Variants in ABCA4 observed in about 807,000 individuals in gnomAD.
ABCA4 encodes the protein retinal-specific phospholipid-transporting ATPase ABCA4.
ABCA4 carries 196 observed loss-of-function variants against 263.7 expected under a neutral mutation model. That is an observed-to-expected ratio of 0.74 (90% CI 0.66 to 0.84). The LOEUF (loss-of-function observed/expected upper bound fraction) is 0.84, where lower values mean the gene tolerates loss of function less well. ABCA4 is among the 40% of genes least tolerant of loss of function. The pLI is 0.00. For missense variants in ABCA4, 2,792 were observed against 2,855.1 expected (o/e 0.98, Z 0.50); for synonymous variants, 1,133 against 1,094.2 (o/e 1.04, Z -0.70).
Position 94,044,758 on chromosome 1 carries a change from G to C in ABCA4, c.2919-14C>G. 2 of 1,614,214 alleles carry C rather than the reference G, an allele frequency of 1.2e-6. No homozygotes were observed. The highest frequency in any genetic ancestry group is 1.6e-4 in the Middle Eastern group (1 of 6,062). ...GTCAGGATGGACCTGCAGAACACAG[G>C]CGTCAGTGGCAGAAGAGATGGCCTT... On this transcript the variant is annotated splice_polypyrimidine_tract_variant and intron_variant, in intron 19 of 49. Transcript: ENST00000370225.
rs141864243 is a variant in ABCA4 at position 94,063,217 on chromosome 1, A to G, written c.1655T>C (p.Val552Ala). 1.2e-5 allele frequency: 19 copies of G among 1,614,104 alleles called. No individual in the cohort carries two copies. Among genetic ancestry groups the G allele is most frequent in the Non-Finnish European group, 1.6e-5 (19 of 1,179,972 alleles). The change falls in exon 12 of 50, where the codon GTA becomes GCA. Residue 552 changes from valine to alanine, a missense_variant. Val to Ala is a moderately conservative substitution (Grantham distance 64). Transcript: ENST00000370225. The part of the protein sequence containing the change: ...LEENMFWAGV[V>A]FPDMYPWTSS... ...GGTCCAGGGATACATGTCAGGGAATACCACTCCGGCCCAGAACATGTTTTC... is the reference window on the plus strand; with the variant it reads ...GGTCCAGGGATACATGTCAGGGAATGCCACTCCGGCCCAGAACATGTTTTC...
At chr1:94,085,560 C>T (rs985926512) in intron 6 of ABCA4, among the ~76,000 whole-genome samples, 2 of 152,160 alleles carry the variant, frequency 1.3e-5, no homozygotes, top group Non-Finnish European at 2.9e-5. Context: ...TTGCCTCTAG[C>T]CCCCTCCCTT....
chr1:94,029,100 C>G (rs1357062508), intron 30 of ABCA4, among the ~76,000 whole-genome samples: 2 of 110,764 alleles, frequency 1.8e-5, no homozygotes, highest in Non-Finnish European at 3.9e-5. Flanking sequence ...GTGTTTATAT[C>G]CAAGCGATGA....
chr1:94,021,116 T>C, intron 35 of ABCA4, 124 bp downstream of exon 35: 1 of 1,351,956 alleles, frequency 7.4e-7, no homozygotes, highest in Non-Finnish European at 1.1e-6. Context: ...GATGTTCATA[T>C]GTGCCTGACT....
Position 94,094,947 on chromosome 1 carries a change from G to C in ABCA4, c.768+3847C>G, listed in dbSNP as rs187989093. On this transcript the variant is annotated intron_variant, in intron 6 of 49. Coordinates refer to ENST00000370225, the MANE Select transcript of ABCA4 (RefSeq NM_000350.3). ...AGCTTCTGGGTTTCAAGCTGGGGGC[G>C]TTAAGCCTGCAAAGGCCGCAGGTGA... 2.0e-5 allele frequency among the ~76,000 whole-genome samples: 3 copies of C among 152,330 alleles called. No individual in the cohort carries two copies. The East Asian group carries it at 5.8e-4, about 29-fold the overall frequency.
chr1:94,013,530 C>T (rs1659631989), intron 38 of ABCA4, among the ~76,000 whole-genome samples: 1 of 152,138 alleles, frequency 6.6e-6, no homozygotes, highest in Admixed American at 6.5e-5. Flanking sequence ...CGCCTGGGGA[C>T]ACAGGCACGT....
intron 1 of ABCA4, among the ~76,000 whole-genome samples, chr1:94,117,649 G>A (rs753123899): frequency 4.6e-5 from 7 of 152,100 alleles, no homozygotes; most frequent in Non-Finnish European, 7.3e-5. Flanking sequence ...GGGAATGCAC[G>A]TTATCAGGAT....
chr1:94,015,915 A>G, intron 36 of ABCA4, 61 bp from the exon 37 acceptor site: 1 of 1,439,788 alleles, frequency 6.9e-7, no homozygotes, highest in Non-Finnish European at 9.6e-7. Context: ...CAGCTCTGCA[A>G]AATGAGGGGT....
At chr1:94,029,063 T>C (rs1043638228) in intron 30 of ABCA4, among the ~76,000 whole-genome samples, 2 of 152,218 alleles carry the variant, frequency 1.3e-5, no homozygotes, top group African/African-American at 4.8e-5. Context: ...ATAATCTGTT[T>C]GGGTGGCTGC....
At chr1:94,051,148 C>T (rs1266657902) in intron 17 of ABCA4, among the ~76,000 whole-genome samples, 1 of 152,180 alleles carries the variant, frequency 6.6e-6, no homozygotes, top group African/African-American at 2.4e-5. Context: ...GAGGTATTGC[C>T]CTGAAGATAA....
Position 94,031,762 on chromosome 1 carries a change from C to A in ABCA4, c.4128+16G>T, listed in dbSNP as rs61783968. ...GGAGCCACTGAGCTCAGCTAAACAC[C>A]GACCGACAATAGTACCTGCGCCAGG... On this transcript the variant is annotated intron_variant, in intron 27 of 49. Transcript: ENST00000370225. 12 of 1,613,016 alleles carry A rather than the reference C, an allele frequency of 7.4e-6. No homozygotes were observed. The highest frequency in any genetic ancestry group is 1.0e-5 in the Non-Finnish European group (12 of 1,180,008).
At chr1:94,094,180 T>C (rs1054184937) in intron 6 of ABCA4, among the ~76,000 whole-genome samples, 30 of 152,090 alleles carry the variant, frequency 2.0e-4, no homozygotes, top group African/African-American at 7.2e-4. Context: ...CACCCGAAAG[T>C]TGAAATGCAT....
At chr1:94,114,588 G>T (rs1290709985) in intron 1 of ABCA4, among the ~76,000 whole-genome samples, 1 of 151,976 alleles carries the variant, frequency 6.6e-6, no homozygotes, top group East Asian at 1.9e-4. Context: ...CCAGGTTCAC[G>T]CCACTCTCCT....
intron 24 of ABCA4, among the ~76,000 whole-genome samples, chr1:94,038,192 G>A (rs183683467): frequency 3.5e-4 from 53 of 152,256 alleles, no homozygotes; most frequent in Admixed American, 2.6e-4. Context: ...TATGCGGTGC[G>A]TATCATAGAC....
chr1:94,088,384 T>C (rs141488337), intron 6 of ABCA4, among the ~76,000 whole-genome samples: 237 of 152,318 alleles, frequency 1.6e-3, no homozygotes, highest in African/African-American at 5.3e-3. Context: ...ACTCCCCGGA[T>C]AGTCTCATTT....
At chr1:94,001,497 C>T in intron 45 of ABCA4, 1 of 541,648 alleles carries the variant, frequency 1.8e-6, no homozygotes, top group Non-Finnish European at 3.5e-6. Flanking sequence ...GGCCTCAGGC[C>T]TGGCCTGGCT....
chr1:94,022,211 C>G (rs1487072138), intron 32 of ABCA4, among the ~76,000 whole-genome samples: 2 of 152,230 alleles, frequency 1.3e-5, no homozygotes, highest in African/African-American at 4.8e-5. Flanking sequence ...CTTCCTCAGC[C>G]CTTCCCTGGA....
At chr1:94,108,524 G>T in intron 4 of ABCA4, 53 bp downstream of exon 4, 1 of 1,609,736 alleles carries the variant, frequency 6.2e-7, no homozygotes, top group Non-Finnish European at 8.5e-7. Flanking sequence ...TATATCTTCA[G>T]TCTCTCCATA....
At chr1:94,069,858 G>A (rs1661360226) in intron 11 of ABCA4, among the ~76,000 whole-genome samples, 1 of 152,040 alleles carries the variant, frequency 6.6e-6, no homozygotes, top group South Asian at 2.1e-4. Flanking sequence ...CATGACGACT[G>A]GAAAACAAAG....
Sources: gnomAD v4.1 joint callset for allele counts (sites outside exome capture counted in the v4.1 genomes callset) on GRCh38, gnomAD v4.1.1 for gene constraint, MANE v1.5 for transcripts, NCBI Gene and HGNC (gene_info 2026-07-23, HGNC 2026-07-21) for gene names.